Variants in LRBA observed in about 807,000 individuals in gnomAD.
LRBA encodes LPS responsive beige-like anchor protein.
Under a neutral mutation model 330.0 loss-of-function variants are expected in LRBA, and 176 were observed. The ratio of observed to expected loss-of-function variants is 0.53; its 90% confidence interval spans 0.47 to 0.60. The LOEUF is 0.60. LRBA is among the 20% of genes least tolerant of loss of function. The pLI is 0.00. For missense variants in LRBA, 3,259 were observed against 3,444.8 expected (o/e 0.95, Z 1.35); for synonymous variants, 1,230 against 1,193.0 (o/e 1.03, Z -0.64).
chr4:151,014,683 A>G lies in LRBA; in HGVS notation c.-41T>C. The G allele has an allele frequency of 7.0e-7, 1 of 1,418,674 alleles. No homozygotes were observed. The highest frequency in any genetic ancestry group is 9.7e-7 in the Non-Finnish European group (1 of 1,031,410). 87.9% of individuals were successfully genotyped at this position (1,418,674 alleles called of 1,614,324 possible). A position where few individuals can be genotyped will look rare whatever the true frequency, so the allele number is the denominator to read the frequency against. Reference sequence around the variant, plus strand: ...AAGGACAACTCAGAGTCACCCTGGGACGGCAGTCGCTGCACTGGTAATGAG... The same window carrying G: ...AAGGACAACTCAGAGTCACCCTGGGGCGGCAGTCGCTGCACTGGTAATGAG... On this transcript the variant is annotated 5_prime_UTR_variant, in exon 2 of 57. Transcript: ENST00000651943.
At chr4:150,997,892 C>T (rs1742858345) in intron 2 of LRBA, among the ~76,000 whole-genome samples, 1 of 151,836 alleles carries the variant, frequency 6.6e-6, no homozygotes, top group Non-Finnish European at 1.5e-5. Context: ...TTAGTAGAGA[C>T]AGGGTTTCAT....
chr4:150,936,519 T>C (rs1234581479), intron 2 of LRBA, among the ~76,000 whole-genome samples: 2 of 151,914 alleles, frequency 1.3e-5, no homozygotes, highest in East Asian at 3.9e-4. Context: ...TGGAAAAGAA[T>C]TGCAGTGATT....
intron 56 of LRBA, among the ~76,000 whole-genome samples, chr4:150,267,665 G>A (rs532499537): frequency 6.6e-6 from 1 of 152,206 alleles, no homozygotes; most frequent in Non-Finnish European, 1.5e-5. Flanking sequence ...AAAGAACAGA[G>A]TAGAGAGAAA....
At chr4:150,648,062 T>C (rs950342142) in intron 37 of LRBA, among the ~76,000 whole-genome samples, 7 of 143,602 alleles carry the variant, frequency 4.9e-5, no homozygotes, top group African/African-American at 1.8e-4. Context: ...AGAGAAGTAA[T>C]AGAAAATAAA....
intron 47 of LRBA, among the ~76,000 whole-genome samples, chr4:150,368,630 A>G (rs1006765087): frequency 2.0e-5 from 3 of 152,192 alleles, no homozygotes; most frequent in Admixed American, 2.0e-4. Flanking sequence ...AATCACTAAA[A>G]TGTTTGAAAA....
At chr4:150,506,833 T>C (rs6841787) in intron 40 of LRBA, among the ~76,000 whole-genome samples, 132,855 of 152,146 alleles carry the variant, frequency 0.87, 58,801 homozygotes, top group Non-Finnish European at 0.95. Context: ...AAAACCCCAT[T>C]GTCTCAGGCC....
At chr4:150,596,016 A>G (rs931824522) in intron 38 of LRBA, among the ~76,000 whole-genome samples, 1 of 151,984 alleles carries the variant, frequency 6.6e-6, no homozygotes, top group Non-Finnish European at 1.5e-5. Flanking sequence ...ATACTTAATC[A>G]TAAGAGGAAG....
chr4:150,839,286 G>A (rs1489851330), intron 28 of LRBA, among the ~76,000 whole-genome samples: 1 of 152,164 alleles, frequency 6.6e-6, no homozygotes, highest in East Asian at 1.9e-4. Flanking sequence ...TTACAGTGTT[G>A]GTGGGACTGT....
chr4:150,285,591 T>G (rs536378488), intron 54 of LRBA, among the ~76,000 whole-genome samples: 1 of 152,148 alleles, frequency 6.6e-6, no homozygotes, highest in African/African-American at 2.4e-5. Context: ...CAGGGGAATA[T>G]GAATATTAAC....
At chr4:150,307,012 G>T (rs1402709653) in intron 52 of LRBA, among the ~76,000 whole-genome samples, 3 of 151,640 alleles carry the variant, frequency 2.0e-5, no homozygotes, top group African/African-American at 4.8e-5. Context: ...GTATGTGAGA[G>T]AATTTTATAA....
chr4:150,925,872 C>T (rs918661666), intron 4 of LRBA, among the ~76,000 whole-genome samples: 5 of 152,152 alleles, frequency 3.3e-5, no homozygotes, highest in African/African-American at 1.2e-4. Context: ...AGGACCTGGA[C>T]TTACCAACCT....
At chr4:150,949,701 C>T (rs545210024) in intron 2 of LRBA, among the ~76,000 whole-genome samples, 15 of 152,134 alleles carry the variant, frequency 9.9e-5, no homozygotes, top group African/African-American at 3.1e-4. Context: ...GAAAAGAAAA[C>T]TATATTAACC....
chr4:150,988,001 C>CA (rs545392419), intron 2 of LRBA, among the ~76,000 whole-genome samples: 1,617 of 68,424 alleles, frequency 0.024, 17 homozygotes, highest in Middle Eastern at 0.047. Context: ...GACTCCGTCT[C>CA]AAAAAAAAAA....
At chr4:150,963,241 G>C (rs2149570064) in intron 2 of LRBA, among the ~76,000 whole-genome samples, 1 of 148,680 alleles carries the variant, frequency 6.7e-6, no homozygotes, top group East Asian at 1.9e-4. Context: ...GCCGAGCCGA[G>C]GCTGGACTGT....
At chr4:150,690,693 C>T (rs538189703) in intron 36 of LRBA, among the ~76,000 whole-genome samples, 6 of 142,818 alleles carry the variant, frequency 4.2e-5, no homozygotes, top group East Asian at 2.1e-4. Flanking sequence ...AAAAAAAAGA[C>T]GAATCTTTTC....
intron 40 of LRBA, chr4:150,582,979 C>G (rs761139412): frequency 2.6e-6 from 4 of 1,526,954 alleles, no homozygotes; most frequent in African/African-American, 1.4e-5. Context: ...AGCCTTGGAT[C>G]CCTCAACGTA....
At chr4:150,803,066 CAA>C (rs763112831) in intron 33 of LRBA, among the ~76,000 whole-genome samples, 1,893 of 54,552 alleles carry the variant, frequency 0.035, 29 homozygotes, top group Non-Finnish European at 0.053. Context: ...CAAAAACAAA[CAA>C]AAAAAAAATA....
intron 2 of LRBA, among the ~76,000 whole-genome samples, chr4:150,939,702 A>G (rs965619689): frequency 4.6e-5 from 7 of 152,220 alleles, no homozygotes; most frequent in African/African-American, 1.7e-4. Flanking sequence ...ACCACGACCC[A>G]GAGACTCTGT....
chr4:150,382,016 T>C (rs1742342768), intron 47 of LRBA, among the ~76,000 whole-genome samples: 3 of 152,232 alleles, frequency 2.0e-5, no homozygotes, highest in Admixed American at 6.5e-5. Context: ...ATTTATCTTC[T>C]TATTCTTGAG....
Sources: allele counts gnomAD v4.1 joint callset (sites outside exome capture counted in the v4.1 genomes callset), GRCh38; gene constraint gnomAD v4.1.1; transcripts MANE v1.5; gene names NCBI Gene and HGNC (gene_info 2026-07-23, HGNC 2026-07-21).